The following FADS3 variants were observed in gnomAD, a reference collection of about 807,000 sequenced individuals.
FADS3 encodes fatty acid desaturase 3.
FADS3 carries 30 observed loss-of-function variants against 60.4 expected under a neutral mutation model. That is an observed-to-expected ratio of 0.50 (90% CI 0.37 to 0.67). FADS3 has a LOEUF of 0.67. Ranked by LOEUF, FADS3 falls within the 30% of genes least tolerant of loss-of-function variation. The pLI is 0.00. For missense variants in FADS3, 432 were observed against 598.3 expected, an observed-to-expected ratio of 0.72 and a Z score of 2.90; for synonymous variants, 234 against 249.3, an observed-to-expected ratio of 0.94 and a Z score of 0.58.
Position 61,876,059 on chromosome 11 carries a change from C to T in FADS3, c.1160+52G>A, listed in dbSNP as rs1937866446. 3 of 1,609,040 alleles carry T rather than the reference C, an allele frequency of 1.9e-6. No homozygotes were observed. The highest frequency in any genetic ancestry group is 1.3e-5 in the African/African-American group (1 of 74,850). On this transcript the variant is annotated intron_variant, in intron 10 of 11. Transcript: ENST00000278829. The surrounding 1 kb of genome is among the most constrained non-coding windows in gnomAD (Gnocchi z 5.7). ...ACCCACGGGTCCCCTCCCAGGATCC[C>T]CTCCCAGGACCCCCTCCCCACCTCC...
At chr11:61,884,429 A>G (rs1938240017) in intron 1 of FADS3, among the ~76,000 whole-genome samples, 1 of 152,216 alleles carries the variant, frequency 6.6e-6, no homozygotes, top group Non-Finnish European at 1.5e-5. Flanking sequence ...ATACCTATGT[A>G]ACAAACCTGC....
chr11:61,878,729 AC>A lies in FADS3; in HGVS notation c.624+16del. On this transcript the variant is annotated intron_variant, in intron 4 of 11. Coordinates refer to ENST00000278829, the MANE Select transcript of FADS3 (RefSeq NM_021727.5). ...AGCGCCACCCAGCACCTGGCTGACC[AC>A]CCACCCCACCCTCACCTTTAGCTGC... 1 of 1,613,106 alleles carries A rather than the reference AC, an allele frequency of 6.2e-7. No homozygotes were observed. Among genetic ancestry groups the A allele is most frequent in the Non-Finnish European group, 8.5e-7 (1 of 1,179,406 alleles).
rs900627976 is a variant in FADS3 at position 61,877,539 on chromosome 11, G to A, written c.857C>T (p.Ala286Val). ...TLVNFEVENL[A>V]YMLVCMQWAD... ...CCACTGCATGCACACCAGCATGTAC[G>A]CCAGATTTTCCACTTCAAAGTTCAC... The change falls in exon 7 of 12, where the codon GCG becomes GTG. Residue 286 changes from alanine to valine, a missense_variant. Transcript: ENST00000278829. The surrounding 1 kb of genome is among the most constrained non-coding windows in gnomAD (Gnocchi z 4.7). The A allele has an allele frequency of 4.3e-6, 7 of 1,613,522 alleles. No individual in the cohort carries two copies. The highest frequency in any genetic ancestry group is 1.3e-5 in the African/African-American group (1 of 74,918).
rs143475311 is a variant in FADS3, at chr11:61,879,423, G to A, written c.411C>T (p.Phe137=). 4 of 1,603,784 alleles carry A rather than the reference G, an allele frequency of 2.5e-6. No homozygotes were observed. Among genetic ancestry groups the A allele is most frequent in the Non-Finnish European group, 3.4e-6 (4 of 1,176,076 alleles). Residue 137 remains phenylalanine (F), a synonymous_variant, in exon 3 of 12, where the codon TTC becomes TTT. Transcript: ENST00000278829. ...LFDASPTFFA[F]LLGHILAMEV... ...CCATGGCCAGGATGTGGCCCAGTAGGAAAGCAAAGAAGGTGGGACTGGCAT... is the reference window on the plus strand; with the variant it reads ...CCATGGCCAGGATGTGGCCCAGTAGAAAAGCAAAGAAGGTGGGACTGGCAT...
At chr11:61,888,344 G>A (rs1416191501) in intron 1 of FADS3, among the ~76,000 whole-genome samples, 7 of 152,236 alleles carry the variant, frequency 4.6e-5, no homozygotes, top group Non-Finnish European at 8.8e-5. Context: ...CTCCACCTGA[G>A]GCCACCGCCC....
intron 1 of FADS3, among the ~76,000 whole-genome samples, chr11:61,887,808 A>G (rs773390176): frequency 1.3e-5 from 2 of 152,204 alleles, no homozygotes; most frequent in Non-Finnish European, 2.9e-5. Context: ...AATAAACAGG[A>G]TAGGTGGCAG....
intron 1 of FADS3, among the ~76,000 whole-genome samples, chr11:61,883,393 T>A (rs1049449618): frequency 6.6e-6 from 1 of 152,194 alleles, no homozygotes; most frequent in Admixed American, 6.5e-5. Flanking sequence ...CCTACCTTTT[T>A]AAGGCTGAGC....
rs576235801 is a variant in FADS3 at position 61,876,173 on chromosome 11, G to A, written c.1098C>T (p.Asn366=). Residue 366 remains asparagine, a synonymous_variant, in exon 10 of 12, where the codon AAC becomes AAT. Coordinates refer to ENST00000278829, the MANE Select transcript of FADS3 (RefSeq NM_021727.5). The surrounding 1 kb of genome is among the most constrained non-coding windows in gnomAD (Gnocchi z 5.7). ...AGTTGGTGAAAAGTGAGGGCTCCAC[G>A]TTGCAGGTGGCTGCCAGCTGCCGGA... ...WVSSQLAATC[N]VEPSLFTNWF... 49 of 1,603,720 alleles carry A rather than the reference G, an allele frequency of 3.1e-5. No homozygotes were observed. Among genetic ancestry groups the A allele is most frequent in the African/African-American group, 4.0e-5 (3 of 74,920 alleles).
At chr11:61,874,455 C>T (rs1431198749) in intron 11 of FADS3, among the ~76,000 whole-genome samples, 1 of 152,216 alleles carries the variant, frequency 6.6e-6, no homozygotes, top group Non-Finnish European at 1.5e-5. Context: ...TGGAATCTGG[C>T]CTCTGTTCTC....
At position 61,891,477 on chromosome 11, in the gene FADS3, G is replaced by A. The variant is rs1404458401; in HGVS notation, c.-96C>T. ...AGCGCTCCCGGGCGCCGCCTCCGCC[G>A]CCGCCCGCTGCTCCGGCCCCGCCCT... On this transcript the variant is annotated 5_prime_UTR_variant, in exon 1 of 12. Coordinates refer to ENST00000278829, the MANE Select transcript of FADS3 (RefSeq NM_021727.5). 5 of 844,222 alleles carry A rather than the reference G, an allele frequency of 5.9e-6. No homozygotes were observed. Among genetic ancestry groups the A allele is most frequent in the Non-Finnish European group, 7.9e-6 (5 of 629,504 alleles). The allele number at this position is 844,222 out of a possible 1,614,324, so 52.3% of individuals were successfully genotyped here.
intron 1 of FADS3, among the ~76,000 whole-genome samples, chr11:61,884,777 C>T (rs940562785): frequency 2.6e-5 from 4 of 152,174 alleles, no homozygotes; most frequent in African/African-American, 9.7e-5. Flanking sequence ...CGCACCCAAG[C>T]GAGTGGAAAG....
Position 61,873,807 on chromosome 11 carries a change from G to GT in FADS3, c.*6dup, listed in dbSNP as rs1353136293. 2 of 1,609,792 alleles carry GT rather than the reference G, an allele frequency of 1.2e-6. No homozygotes were observed. The highest frequency in any genetic ancestry group is 1.7e-6 in the Non-Finnish European group (2 of 1,178,494). Reference sequence around the variant, plus strand: ...TGAGCCCTTCTCTGCCCGCCTGGGTGTTGCCTTCACTGATGGAGGTAGGCG... The same window carrying GT: ...TGAGCCCTTCTCTGCCCGCCTGGGTGTTTGCCTTCACTGATGGAGGTAGGCG... On this transcript the variant is annotated 3_prime_UTR_variant, in exon 12 of 12. Transcript: ENST00000278829.
chr11:61,874,117 C>T (rs1937781353), intron 11 of FADS3, among the ~76,000 whole-genome samples: 2 of 152,330 alleles, frequency 1.3e-5, no homozygotes, highest in Non-Finnish European at 1.5e-5. Context: ...AGGCCAAGTC[C>T]AGGCATGAGC....
At chr11:61,878,480 G>T in intron 5 of FADS3, 32 bp downstream of exon 5, 1 of 1,607,544 alleles carries the variant, frequency 6.2e-7, no homozygotes. Flanking sequence ...TGCAGGCCCA[G>T]CCAGAGGTTG....
chr11:61,878,412 A>T, intron 5 of FADS3, 100 bp downstream of exon 5: 1 of 1,517,790 alleles, frequency 6.6e-7, no homozygotes. Flanking sequence ...AGTGGAGGCC[A>T]GATCAGGGGC....
chr11:61,876,437 C>T lies in FADS3; in HGVS notation c.1002G>A (p.Trp334Ter), dbSNP rs763084516. ...FVAVRVLESH[W>*]FVWITQMNHI... Reference sequence around the variant, plus strand: ...GGTTCATCTGTGTGATCCACACGAACCAGTGGCTTTCCAGGACCCTGTGGG... The same window carrying T: ...GGTTCATCTGTGTGATCCACACGAATCAGTGGCTTTCCAGGACCCTGTGGG... Residue 334 changes from tryptophan to a stop codon, truncating the protein, a stop_gained, in exon 9 of 12, where the codon TGG becomes TGA. Transcript: ENST00000278829. LOFTEE classifies it high-confidence loss of function. This position sits in a 1 kb window ranked among gnomAD's most constrained non-coding sequence, Gnocchi z 5.7. The T allele has an allele frequency of 6.2e-7, 1 of 1,613,518 alleles. No homozygotes were observed. Among genetic ancestry groups the T allele is most frequent in the South Asian group, 1.1e-5 (1 of 91,082 alleles).
At chr11:61,884,283 G>A (rs1938234042) in intron 1 of FADS3, among the ~76,000 whole-genome samples, 1 of 152,100 alleles carries the variant, frequency 6.6e-6, no homozygotes, top group African/African-American at 2.4e-5. Flanking sequence ...ACAGGGAAGG[G>A]AACATCACAC....
Position 61,877,717 on chromosome 11 carries a change from G to A in FADS3, c.809-130C>T. The A allele has an allele frequency of 2.5e-6, 2 of 805,410 alleles. No individual in the cohort carries two copies. Among genetic ancestry groups the A allele is most frequent in the East Asian group, 5.4e-5 (2 of 37,262 alleles). 49.9% of individuals were successfully genotyped at this position (805,410 alleles called of 1,614,324 possible). ...TGGTGCTGGTCACATCCAGCTGAAT[G>A]ACCCCATATCACCCCCAATTCTGTG... On this transcript the variant is annotated intron_variant, in intron 6 of 11. Coordinates refer to ENST00000278829, the MANE Select transcript of FADS3 (RefSeq NM_021727.5). The surrounding 1 kb of genome is among the most constrained non-coding windows in gnomAD (Gnocchi z 4.7).
chr11:61,874,819 C>T (rs1336604033), intron 11 of FADS3, among the ~76,000 whole-genome samples: 1 of 152,142 alleles, frequency 6.6e-6, no homozygotes, highest in Non-Finnish European at 1.5e-5. Context: ...CTGGCCGCCC[C>T]CCTCCCCTCC....
Sources: gnomAD v4.1 joint callset for allele counts (sites outside exome capture counted in the v4.1 genomes callset) on GRCh38, gnomAD v4.1.1 for gene constraint, Gnocchi (gnomAD v3.1) non-coding constraint, MANE v1.5 for transcripts, NCBI Gene and HGNC (gene_info 2026-07-23, HGNC 2026-07-21) for gene names.